The following LYPD8 variants were observed in gnomAD, a reference collection of about 807,000 sequenced individuals.
The protein encoded by LYPD8 is LY6/PLAUR domain containing 8.
LYPD8 carries 8 observed loss-of-function variants against 1.7 expected under a neutral mutation model. The observed-to-expected ratio is 4.58, with a 90% confidence interval of 2.69 to 8.27. The LOEUF (loss-of-function observed/expected upper bound fraction) is 8.27, where lower values mean the gene tolerates loss of function less well. Among genes scored for constraint, LYPD8 ranks in the 30% most tolerant of loss-of-function variants. The pLI, the probability that LYPD8 is intolerant of heterozygous loss-of-function variation, is 0.00. For missense variants in LYPD8, 112 were observed against 102.3 expected, an observed-to-expected ratio of 1.09 and a Z score of -0.41; for synonymous variants, 50 against 43.6, an observed-to-expected ratio of 1.15 and a Z score of -0.58.
chr1:248,752,916 CA>C (rs1662839691), intron 2 of LYPD8, among the ~76,000 whole-genome samples: 6 of 93,742 alleles, frequency 6.4e-5, no homozygotes, highest in East Asian at 5.1e-4. Flanking sequence ...CCCCACACAC[CA>C]ACACACCACA....
intron 4 of LYPD8, among the ~76,000 whole-genome samples, chr1:248,750,317 G>A (rs1341826364): frequency 6.6e-6 from 1 of 152,170 alleles, no homozygotes; most frequent in Non-Finnish European, 1.5e-5. Flanking sequence ...CACCACGAGG[G>A]GCTCCTGTGG....
intron 2 of LYPD8, among the ~76,000 whole-genome samples, chr1:248,752,770 C>A (rs1437470432): frequency 8.6e-5 from 10 of 115,926 alleles, no homozygotes; most frequent in African/African-American, 6.8e-5. Flanking sequence ...ACCACACACC[C>A]CACACAACAC....
At position 248,739,544 on chromosome 1, in the gene LYPD8, C is replaced by A; in HGVS notation, c.*67G>T. 6.5e-7 allele frequency: 1 copy of A among 1,545,618 alleles called. No individual in the cohort carries two copies. Among genetic ancestry groups the A allele is most frequent in the Non-Finnish European group, 8.7e-7 (1 of 1,145,000 alleles). On this transcript the variant is annotated 3_prime_UTR_variant, in exon 7 of 7. Coordinates refer to ENST00000590317, the MANE Select transcript of LYPD8 (RefSeq NM_001085474.2). The surrounding 1 kb of genome is among the most constrained non-coding windows in gnomAD (Gnocchi z 4.3). ...GAGCAGGGAAAGAGGGTGTCAGCAC[C>A]GCAGGGGGTGCTCTGGACCTCAGAG...
At chr1:248,744,653 G>A (rs888719111) in intron 6 of LYPD8, among the ~76,000 whole-genome samples, 1 of 149,164 alleles carries the variant, frequency 6.7e-6, no homozygotes, top group African/African-American at 2.6e-5. Flanking sequence ...TTTTACGATA[G>A]TTAGTATCAA....
rs967515238 is a variant in LYPD8, at chr1:248,751,015, C to T, written c.52+15G>A. On this transcript the variant is annotated intron_variant, in intron 3 of 6. Coordinates refer to ENST00000590317, the MANE Select transcript of LYPD8 (RefSeq NM_001085474.2). ...GGGTCTCCATTCTAAAAAGGGGCCACGTGAGTTCTCTTACCTACAGCTGCA... is the reference window on the plus strand; with the variant it reads ...GGGTCTCCATTCTAAAAAGGGGCCATGTGAGTTCTCTTACCTACAGCTGCA... 2.3e-5 allele frequency: 9 copies of T among 398,458 alleles called. No homozygotes were observed. The highest frequency in any genetic ancestry group is 1.4e-4 in the African/African-American group (7 of 48,606). The allele number at this position is 398,458 out of a possible 1,614,324, so 24.7% of individuals were successfully genotyped here. A position where few individuals can be genotyped will look rare whatever the true frequency, so the allele number is the denominator to read the frequency against.
intron 6 of LYPD8, among the ~76,000 whole-genome samples, chr1:248,742,029 G>A (rs536634246): frequency 1.5e-3 from 221 of 152,316 alleles, no homozygotes; most frequent in Non-Finnish European, 2.5e-3. Flanking sequence ...TACAATGGTG[G>A]ATGTATATCA....
intron 5 of LYPD8, among the ~76,000 whole-genome samples, chr1:248,745,989 T>C (rs1662721206): frequency 6.6e-6 from 1 of 152,222 alleles, no homozygotes; most frequent in African/African-American, 2.4e-5. Context: ...ACAGACTAAA[T>C]GCACAAGTAA....
Position 248,748,332 on chromosome 1 carries a change from C to T in LYPD8, c.294G>A (p.Gln98=). Reference sequence around the variant, plus strand: ...TGCTGCATTCCTTTCCTTGGCAGCACTGGCTTACAAAATGAAAGTGTTCTT... The same window carrying T: ...TGCTGCATTCCTTTCCTTGGCAGCATTGGCTTACAAAATGAAAGTGTTCTT... ...SAEEHFHFVS[Q]CCQGKECSNT... The change falls in exon 5 of 7, where the codon CAG becomes CAA. Residue 98 remains glutamine (Q), a synonymous_variant. Transcript: ENST00000590317. 2.1e-6 allele frequency: 1 copy of T among 469,038 alleles called. No individual in the cohort carries two copies. The highest frequency in any genetic ancestry group is 3.7e-6 in the Non-Finnish European group (1 of 268,824). The allele number at this position is 469,038 out of a possible 1,614,324, so 29.1% of individuals were successfully genotyped here. A position where few individuals can be genotyped will look rare whatever the true frequency, so the allele number is the denominator to read the frequency against.
Position 248,739,819 on chromosome 1 carries a change from C to T in LYPD8, c.506G>A (p.Gly169Asp). ...DIESKSLVLK[G>D]CSNVSNATCQ... ...GGTGGCGTTACTGACGTTGGAACAG[C>T]CTTTCAGCACGAGACTCTTAGACTC... is the stretch of plus-strand genomic sequence containing the variant. Residue 169 changes from glycine (G) to aspartate (D), a missense_variant, in exon 7 of 7, where the codon GGC becomes GAC. Transcript: ENST00000590317. This position sits in a 1 kb window ranked among gnomAD's most constrained non-coding sequence, Gnocchi z 4.3. 1 of 1,551,748 alleles carries T rather than the reference C, an allele frequency of 6.4e-7. No homozygotes were observed. The highest frequency in any genetic ancestry group is 8.7e-7 in the Non-Finnish European group (1 of 1,146,998).
chr1:248,744,448 T>C (rs72770921), intron 6 of LYPD8, among the ~76,000 whole-genome samples: 1,601 of 152,370 alleles, frequency 0.011, 18 homozygotes, highest in Middle Eastern at 0.041. Context: ...AACCTTTAAC[T>C]GTTTGGGCAA....
In LYPD8 at chr1:248,743,133, A is replaced by G. The variant is rs377450803; in HGVS notation, c.475+2009T>C. On this transcript the variant is annotated intron_variant, in intron 6 of 6. Transcript: ENST00000590317. Reference sequence around the variant, plus strand: ...CCAATTTTGCTGTGAATCTAAAACTACTCTGAAAAAAAATGTGTATTTAAA... The same window carrying G: ...CCAATTTTGCTGTGAATCTAAAACTGCTCTGAAAAAAAATGTGTATTTAAA... Among the ~76,000 whole-genome samples the G allele has an allele frequency of 9.0e-4, 135 of 150,108 alleles. 1 individual carries two copies. The highest frequency in any genetic ancestry group is 3.3e-3 in the African/African-American group (130 of 39,500).
chr1:248,752,775 CA>C (rs1572156283), intron 2 of LYPD8, among the ~76,000 whole-genome samples: 3 of 108,444 alleles, frequency 2.8e-5, no homozygotes, highest in Non-Finnish European at 3.8e-5. Flanking sequence ...ACACCCCACA[CA>C]ACACACACCA....
intron 5 of LYPD8, among the ~76,000 whole-genome samples, chr1:248,747,038 C>CCAG (rs1199699364): frequency 2.2e-3 from 1 of 450 alleles, no homozygotes; most frequent in African/African-American, 7.5e-3. Context: ...CCCCGCACGG[C>CCAG]CAGCACCCAC....
intron 2 of LYPD8, among the ~76,000 whole-genome samples, chr1:248,753,235 C>G (rs1463817290): frequency 3.2e-5 from 3 of 93,994 alleles, no homozygotes; most frequent in Admixed American, 1.0e-4. Context: ...CACACACACA[C>G]CACACACCCC....
chr1:248,748,810 A>G (rs1306909808), intron 4 of LYPD8, among the ~76,000 whole-genome samples: 1 of 152,210 alleles, frequency 6.6e-6, no homozygotes, highest in Admixed American at 6.5e-5. Context: ...TATGACATCC[A>G]CAGTTCCTGC....
At chr1:248,750,297 C>T (rs1485762757) in intron 4 of LYPD8, among the ~76,000 whole-genome samples, 1 of 19,248 alleles carries the variant, frequency 5.2e-5, no homozygotes, top group Non-Finnish European at 4.6e-3. Context: ...TCACGGGCAT[C>T]AGTCCCAAAC....
chr1:248,742,920 G>T (rs1299322428), intron 6 of LYPD8, among the ~76,000 whole-genome samples: 1 of 128,244 alleles, frequency 7.8e-6, no homozygotes, highest in African/African-American at 3.2e-5. Context: ...GGCAGCGGGG[G>T]AGATTATGCT....
chr1:248,754,405 A>G (rs908955249), intron 2 of LYPD8, among the ~76,000 whole-genome samples: 14,989 of 151,298 alleles, frequency 0.099, 985 homozygotes, highest in East Asian at 0.25. Context: ...TGTCACACAC[A>G]TCAAACACAC....
intron 2 of LYPD8, among the ~76,000 whole-genome samples, chr1:248,753,266 C>T (rs1224482206): frequency 1.8e-5 from 2 of 113,728 alleles, no homozygotes; most frequent in Non-Finnish European, 3.5e-5. Flanking sequence ...CACCGCATCA[C>T]ACACACACCA....
Sources: gnomAD v4.1 joint callset for allele counts (sites outside exome capture counted in the v4.1 genomes callset) on GRCh38, gnomAD v4.1.1 for gene constraint, Gnocchi (gnomAD v3.1) non-coding constraint, MANE v1.5 for transcripts, NCBI Gene and HGNC (gene_info 2026-07-23, HGNC 2026-07-21) for gene names.